ZNF829: variants seen among roughly 807,000 people sequenced by gnomAD.
The protein encoded by ZNF829 is zinc finger protein 829.
A neutral mutation model predicts 35.2 loss-of-function variants in ZNF829; 25 were observed. That is an observed-to-expected ratio of 0.71 (90% CI 0.52 to 0.99). The LOEUF (loss-of-function observed/expected upper bound fraction) is 0.99. ZNF829 is among the 50% of genes least tolerant of loss of function. The pLI, the probability that ZNF829 is intolerant of heterozygous loss-of-function variation, is 0.00. For synonymous variants in ZNF829, 136 were observed against 163.2 expected, an observed-to-expected ratio of 0.83 and a Z score of 1.27; for missense variants, 417 against 515.3, an observed-to-expected ratio of 0.81 and a Z score of 1.85.
rs2073026744 is a variant in ZNF829 at position 36,889,180 on chromosome 19, C to T, written c.*2312G>A. 1 of 152,030 alleles carries T rather than the reference C, an allele frequency of 6.6e-6. No homozygotes were observed. The highest frequency in any genetic ancestry group is 1.5e-5 in the Non-Finnish European group (1 of 68,010). The allele number at this position is 152,030 out of a possible 1,614,324, so 9.4% of individuals were successfully genotyped here. ...GTGCTGTTACTATCTTTTTTATGTA[C>T]TGTTTGATTTGGTTTGCTAGTATTT... On this transcript the variant is annotated 3_prime_UTR_variant, in exon 6 of 6. Transcript: ENST00000391711.
intron 5 of ZNF829, among the ~76,000 whole-genome samples, chr19:36,898,254 T>G (rs1012972897): frequency 6.6e-6 from 1 of 152,094 alleles, no homozygotes; most frequent in Non-Finnish European, 1.5e-5. Flanking sequence ...CATTTATTAA[T>G]ATAATAGCTA....
intron 5 of ZNF829, chr19:36,905,325 C>T: frequency 6.6e-6 from 1 of 152,134 alleles, no homozygotes; most frequent in East Asian, 1.9e-4. Context: ...TTTTATAAGA[C>T]TTGCTATTTA....
At chr19:36,893,962 T>TACA (rs1056960506) in intron 5 of ZNF829, among the ~76,000 whole-genome samples, 11 of 152,178 alleles carry the variant, frequency 7.2e-5, no homozygotes, top group African/African-American at 1.4e-4. Flanking sequence ...TGCCTACCTC[T>TACA]ACAACCTTGT....
chr19:36,908,359 T>A lies in ZNF829; in HGVS notation c.197A>T (p.Glu66Val). The A allele has an allele frequency of 6.2e-7, 1 of 1,613,604 alleles. No individual in the cohort carries two copies. Among genetic ancestry groups the A allele is most frequent in the East Asian group, 2.2e-5 (1 of 44,870 alleles). Reference sequence around the variant, plus strand: ...CACTGAAACCAGGTTGCTGAAATTCTCCAACATCACTTCTTTGTATAAATT... The same window carrying A: ...CACTGAAACCAGGTTGCTGAAATTCACCAACATCACTTCTTTGTATAAATT... ...QMNLYKEVMLENFSNLVSVGL... is the reference protein window; with the variant it reads ...QMNLYKEVMLVNFSNLVSVGL... Residue 66 changes from glutamate (E) to valine (V), a missense_variant, in exon 4 of 6, where the codon GAG becomes GTG. Transcript: ENST00000391711.
At chr19:36,911,801 A>G (rs1481669101) in intron 3 of ZNF829, among the ~76,000 whole-genome samples, 1 of 152,218 alleles carries the variant, frequency 6.6e-6, no homozygotes, top group African/African-American at 2.4e-5. Flanking sequence ...CTAGATGTGG[A>G]CCCAATAAAG....
At chr19:36,904,882 G>A (rs1274126328) in intron 5 of ZNF829, among the ~76,000 whole-genome samples, 1 of 152,130 alleles carries the variant, frequency 6.6e-6, no homozygotes, top group African/African-American at 2.4e-5. Flanking sequence ...TTGGTAGGGA[G>A]GAAAAGTGGT....
intron 1 of ZNF829, among the ~76,000 whole-genome samples, chr19:36,915,466 C>A (rs2073309794): frequency 6.6e-6 from 1 of 152,216 alleles, no homozygotes; most frequent in South Asian, 2.1e-4. Context: ...CCCACACTGT[C>A]GCAGAGTCAC....
At chr19:36,892,789 A>G in intron 5 of ZNF829, 1 of 542,924 alleles carries the variant, frequency 1.8e-6, no homozygotes, top group Non-Finnish European at 2.8e-6. Context: ...CTAATTAAAA[A>G]AAAAAAATTT....
chr19:36,908,208 T>C (rs1015298640), intron 4 of ZNF829, 125 bp downstream of exon 4: 63 of 1,401,218 alleles, frequency 4.5e-5, no homozygotes, highest in Non-Finnish European at 5.6e-5. Context: ...CTATTTTAAC[T>C]CAAACCATTC....
At position 36,889,855 on chromosome 19, in the gene ZNF829, C is replaced by A. The variant is rs1056220009; in HGVS notation, c.*1637G>T. ...TTTTTCCTAGTTCCTTGAGATGTGACGTTAGGCTATTCATTTGAGATTTTT... is the reference window on the plus strand; with the variant it reads ...TTTTTCCTAGTTCCTTGAGATGTGAAGTTAGGCTATTCATTTGAGATTTTT... On this transcript the variant is annotated 3_prime_UTR_variant, in exon 6 of 6. Transcript: ENST00000391711. 1 of 152,054 alleles carries A rather than the reference C, an allele frequency of 6.6e-6. No individual in the cohort carries two copies. 9.4% of individuals were successfully genotyped at this position (152,054 alleles called of 1,614,324 possible).
chr19:36,915,802 G>C, intron 1 of ZNF829: 1 of 1,478,224 alleles, frequency 6.8e-7, no homozygotes, highest in Non-Finnish European at 9.1e-7. Context: ...TCACCATGTT[G>C]GCCAGGATGG....
At position 36,892,082 on chromosome 19, in the gene ZNF829, C is replaced by T. The variant is rs1600727494; in HGVS notation, c.709G>A (p.Glu237Lys). 1 of 1,614,002 alleles carries T rather than the reference C, an allele frequency of 6.2e-7. No individual in the cohort carries two copies. The highest frequency in any genetic ancestry group is 8.5e-7 in the Non-Finnish European group (1 of 1,179,982). Residue 237 changes from glutamate (E) to lysine (K), a missense_variant, in exon 6 of 6, where the codon GAG (glutamate) becomes AAG (lysine). Physicochemically the swap from Glu to Lys is moderately conservative, Grantham distance 56 (BLOSUM62 1). Coordinates refer to ENST00000391711, the MANE Select transcript of ZNF829 (RefSeq NM_001037232.4). ...FSQHQRIHTG[E>K]KPYECKECGK... ...CATTCCTTACATTCATAGGGTTTCT[C>T]ACCAGTGTGAATCCTCTGATGTTGA...
At chr19:36,905,990 G>T (rs1175291090) in intron 5 of ZNF829, 1 of 152,092 alleles carries the variant, frequency 6.6e-6, no homozygotes, top group Non-Finnish European at 1.5e-5. Context: ...ATGGGAAAAG[G>T]ACAGTCATCT....
At chr19:36,904,327 G>A (rs2073197057) in intron 5 of ZNF829, among the ~76,000 whole-genome samples, 1 of 152,204 alleles carries the variant, frequency 6.6e-6, no homozygotes, top group East Asian at 1.9e-4. Flanking sequence ...AGTTGAAAAT[G>A]TATTATCTTT....
chr19:36,907,865 C>T, intron 5 of ZNF829, 64 bp downstream of exon 5: 1 of 1,425,568 alleles, frequency 7.0e-7, no homozygotes, highest in Non-Finnish European at 9.7e-7. Context: ...AGGGAGCTTC[C>T]TGATAACATC....
chr19:36,902,169 G>GAA (rs553335017), intron 5 of ZNF829: 52 of 168,972 alleles, frequency 3.1e-4, no homozygotes, highest in African/African-American at 4.4e-4. Flanking sequence ...AAAAAAAAAA[G>GAA]AAAAAAAAAA....
chr19:36,892,712 C>G, intron 5 of ZNF829: 1 of 583,478 alleles, frequency 1.7e-6, no homozygotes, highest in Admixed American at 3.6e-5. Flanking sequence ...TTGGTCTGAA[C>G]CAGAGTCACC....
At chr19:36,897,629 A>T (rs1475362045) in intron 5 of ZNF829, among the ~76,000 whole-genome samples, 1 of 152,196 alleles carries the variant, frequency 6.6e-6, no homozygotes, top group Non-Finnish European at 1.5e-5. Flanking sequence ...TTCCTCTAAG[A>T]ACTGGAACAA....
intron 3 of ZNF829, 62 bp from the exon 4 acceptor site, chr19:36,908,521 G>C: frequency 6.5e-7 from 1 of 1,542,232 alleles, no homozygotes; most frequent in Non-Finnish European, 8.7e-7. Flanking sequence ...GGTAGAGGTG[G>C]CAAGAAAGGA....
Sources: gnomAD v4.1 joint callset for allele counts (sites outside exome capture counted in the v4.1 genomes callset) on GRCh38, gnomAD v4.1.1 for gene constraint, MANE v1.5 for transcripts, NCBI Gene and HGNC (gene_info 2026-07-23, HGNC 2026-07-21) for gene names.